Variants in MFN2 observed in about 807,000 individuals in gnomAD.
MFN2 encodes the protein mitofusin 2, also known as mitofusin-2.
A neutral mutation model predicts 87.5 loss-of-function variants in MFN2; 43 were observed. The ratio of observed to expected loss-of-function variants is 0.49; its 90% CI spans 0.38 to 0.63. The LOEUF (loss-of-function observed/expected upper bound fraction) is 0.63. Among genes scored for constraint, MFN2 ranks in the 30% least tolerant of loss-of-function variants. The pLI is 0.00. For synonymous variants in MFN2, 337 were observed against 359.9 expected, an observed-to-expected ratio of 0.94 and a Z score of 0.72; for missense variants, 743 against 972.8, an observed-to-expected ratio of 0.76 and a Z score of 3.14.
chr1:12,011,459 C>A, intron 18 of MFN2, 37 bp from the exon 19 acceptor site: 1 of 1,611,136 alleles, frequency 6.2e-7, no homozygotes, highest in Non-Finnish European at 8.5e-7. Flanking sequence ...TGCCTATCAT[C>A]AGCTATCATG....
chr1:12,010,994 C>G, intron 18 of MFN2, among the ~76,000 whole-genome samples: 1 of 152,124 alleles, frequency 6.6e-6, no homozygotes, highest in East Asian at 1.9e-4. Flanking sequence ...CACCGGATCA[C>G]TGGGCTTTCC....
intron 3 of MFN2, chr1:11,992,248 A>G: frequency 2.4e-6 from 1 of 416,134 alleles, no homozygotes; most frequent in South Asian, 2.5e-5. Context: ...CATGAAGTAG[A>G]TAATGTAGTT....
At position 11,998,860 on chromosome 1, in the gene MFN2, G is replaced by A; in HGVS notation, c.690G>A (p.Glu230=). 1.9e-6 allele frequency: 3 copies of A among 1,614,192 alleles called. No individual in the cohort carries two copies. Among genetic ancestry groups the A allele is most frequent in the Non-Finnish European group, 2.5e-6 (3 of 1,180,036 alleles). ...TGTTTGTGCTGGTGGCCAACTCAGA[G>A]TCCACCCTGATGCAGACGGTAACTC... ...ADVFVLVANS[E]STLMQTEKHF... Residue 230 remains glutamate (E), a synonymous_variant, in exon 7 of 19, where the codon GAG becomes GAA. Coordinates refer to ENST00000235329, the MANE Select transcript of MFN2 (RefSeq NM_014874.4).
chr1:11,998,902 C>G, intron 7 of MFN2, 24 bp downstream of exon 7: 1 of 1,613,330 alleles, frequency 6.2e-7, no homozygotes, highest in Non-Finnish European at 8.5e-7. Context: ...TGCCTTCTCC[C>G]AAGCTCCCAG....
intron 2 of MFN2, among the ~76,000 whole-genome samples, chr1:11,983,006 A>C (rs1646012819): frequency 6.6e-6 from 1 of 152,170 alleles, no homozygotes; most frequent in Non-Finnish European, 1.5e-5. Flanking sequence ...TGCTGTGCTC[A>C]CGTGCTCCAC....
At chr1:12,009,260 T>C (rs958611584) in intron 17 of MFN2, among the ~76,000 whole-genome samples, 2 of 152,052 alleles carry the variant, frequency 1.3e-5, no homozygotes, top group African/African-American at 4.8e-5. Flanking sequence ...ATCTCCTTTT[T>C]CAAAATCAAG....
rs1057517987 is a variant in MFN2 at position 12,004,083 on chromosome 1, C to A, written c.1252C>A (p.Arg418=). 6.2e-7 allele frequency: 1 copy of A among 1,613,952 alleles called. No homozygotes were observed. Among genetic ancestry groups the A allele is most frequent in the African/African-American group, 1.3e-5 (1 of 74,884 alleles). Residue 418 remains arginine (R), a synonymous_variant, in exon 12 of 19, where the codon CGA becomes AGA. Transcript: ENST00000235329. This position sits in a 1 kb window ranked among gnomAD's most constrained non-coding sequence, Gnocchi z 4.2. ...GCTCTTGGCTCAAGACTATAAGCTG[C>A]GAATTAAGCAGATTACGGAGGAAGT... ...LELLAQDYKL[R]IKQITEEVER...
chr1:12,003,958 G>C lies in MFN2; in HGVS notation c.1161-34G>C. On this transcript the variant is annotated intron_variant, in intron 11 of 18. Transcript: ENST00000235329. This position sits in a 1 kb window ranked among gnomAD's most constrained non-coding sequence, Gnocchi z 4.1. ...CTTGCTCCTCTGCTTAGTCAGACAGGAACATGGATTTCTCACCAGTACTCT... is the reference window on the plus strand; with the variant it reads ...CTTGCTCCTCTGCTTAGTCAGACAGCAACATGGATTTCTCACCAGTACTCT... The C allele has an allele frequency of 6.2e-7, 1 of 1,613,920 alleles. No homozygotes were observed. The highest frequency in any genetic ancestry group is 8.5e-7 in the Non-Finnish European group (1 of 1,179,904).
chr1:12,001,046 C>T (rs1458995015), intron 8 of MFN2, among the ~76,000 whole-genome samples: 2 of 152,090 alleles, frequency 1.3e-5, no homozygotes, highest in Non-Finnish European at 2.9e-5. Flanking sequence ...TTCCCTCACT[C>T]TGTCGCCCAG....
chr1:11,984,655 A>C (rs1205676230), intron 2 of MFN2, among the ~76,000 whole-genome samples: 2 of 151,828 alleles, frequency 1.3e-5, no homozygotes, highest in Non-Finnish European at 2.9e-5. Context: ...ATCTTTCCCC[A>C]CCTGATTGTG....
intron 6 of MFN2, among the ~76,000 whole-genome samples, chr1:11,997,982 C>A (rs1313231087): frequency 7.1e-6 from 1 of 140,272 alleles, no homozygotes; most frequent in Non-Finnish European, 1.5e-5. Context: ...CTCCCGGGTT[C>A]AAGTGATTCT....
Position 12,006,528 on chromosome 1 carries a change from C to A in MFN2, c.1717-10C>A. On this transcript the variant is annotated splice_polypyrimidine_tract_variant and intron_variant, in intron 15 of 18. Coordinates refer to ENST00000235329, the MANE Select transcript of MFN2 (RefSeq NM_014874.4). ...CGTCCCCCTCACCCCTCTCATGTTT[C>A]TCTCCTCAGGTCCAGCGTCCCATCC... is the stretch of plus-strand genomic sequence containing the variant. 6.2e-7 allele frequency: 1 copy of A among 1,614,052 alleles called. No individual in the cohort carries two copies. The highest frequency in any genetic ancestry group is 8.5e-7 in the Non-Finnish European group (1 of 1,180,014).
intron 5 of MFN2, among the ~76,000 whole-genome samples, 160 bp from the exon 6 acceptor site, chr1:11,997,137 C>T (rs1250367231): frequency 6.6e-6 from 1 of 151,790 alleles, no homozygotes; most frequent in African/African-American, 2.4e-5. Flanking sequence ...AAAGTGGGTT[C>T]TTATTGACAA....
intron 6 of MFN2, 21 bp downstream of exon 6, chr1:11,997,442 T>A: frequency 6.2e-7 from 1 of 1,613,204 alleles, no homozygotes; most frequent in Non-Finnish European, 8.5e-7. Flanking sequence ...GGTGCCCTCC[T>A]AGGAGGTCCA....
intron 17 of MFN2, 139 bp from the exon 18 acceptor site, chr1:12,009,453 C>T: frequency 2.4e-6 from 3 of 1,242,552 alleles, no homozygotes; most frequent in South Asian, 1.2e-5. Context: ...GGAGATTCTG[C>T]CAAACCAGGC....
intron 2 of MFN2, chr1:11,982,376 C>T (rs1646002440): frequency 6.6e-6 from 1 of 152,202 alleles, no homozygotes; most frequent in African/African-American, 2.4e-5. Flanking sequence ...CTCTGTCTCC[C>T]TCATTTGGTC....
At chr1:12,000,880 A>G (rs889891557) in intron 8 of MFN2, among the ~76,000 whole-genome samples, 2 of 152,174 alleles carry the variant, frequency 1.3e-5, no homozygotes, top group African/African-American at 2.4e-5. Context: ...TTGTATATGC[A>G]TAAAATATCT....
At chr1:11,996,115 A>G (rs750672429) in intron 4 of MFN2, 41 bp from the exon 5 acceptor site, 1 of 1,613,828 alleles carries the variant, frequency 6.2e-7, no homozygotes, top group Non-Finnish European at 8.5e-7. Flanking sequence ...AATTCAGGTC[A>G]GATACTGGTG....
intron 18 of MFN2, among the ~76,000 whole-genome samples, chr1:12,010,923 A>G (rs961942646): frequency 2.0e-5 from 3 of 152,150 alleles, no homozygotes; most frequent in Admixed American, 2.0e-4. Flanking sequence ...CCCTGACGTC[A>G]GAGTCTGCAG....
Sources: gnomAD v4.1 joint callset for allele counts (sites outside exome capture counted in the v4.1 genomes callset) on GRCh38, gnomAD v4.1.1 for gene constraint, Gnocchi (gnomAD v3.1) non-coding constraint, MANE v1.5 for transcripts, NCBI Gene and HGNC (gene_info 2026-07-23, HGNC 2026-07-21) for gene names.